The following ABCD4 variants were observed in gnomAD, a reference collection of about 807,000 sequenced individuals.
The protein encoded by ABCD4 is ATP binding cassette subfamily D member 4.
In ABCD4, 53 loss-of-function variants were observed where a neutral mutation model predicts 86.3. That is an observed-to-expected ratio of 0.61 (90% CI 0.49 to 0.77). The LOEUF (loss-of-function observed/expected upper bound fraction) is 0.77, where lower values mean the gene tolerates loss of function less well. ABCD4 is among the 30% of genes least tolerant of loss of function. The pLI is 0.00. For synonymous variants in ABCD4, 328 were observed against 313.6 expected (o/e 1.05, Z -0.49); for missense variants, 757 against 764.5 (o/e 0.99, Z 0.12).
intron 3 of ABCD4, 43 bp from the exon 4 acceptor site, chr14:74,298,112 T>G (rs774242871): frequency 6.2e-6 from 10 of 1,601,884 alleles, no homozygotes; most frequent in Non-Finnish European, 1.7e-6. Flanking sequence ...GATGGCTTCC[T>G]GAAAATCTCA....
chr14:74,293,318 A>C (rs777119057), intron 7 of ABCD4, 70 bp from the exon 8 acceptor site: 6 of 1,401,128 alleles, frequency 4.3e-6, no homozygotes, highest in Non-Finnish European at 6.0e-6. Context: ...CGCCTGTCCC[A>C]TATCACACCC....
chr14:74,293,013 C>A lies in ABCD4; in HGVS notation c.814+141G>T, dbSNP rs570732929. The A allele has an allele frequency of 3.4e-6, 5 of 1,463,110 alleles. No homozygotes were observed. The South Asian group carries it at 6.4e-5, about 19-fold the overall frequency. The allele number at this position is 1,463,110 out of a possible 1,614,324, so 90.6% of individuals were successfully genotyped here. A position where few individuals can be genotyped will look rare whatever the true frequency, so the allele number is the denominator to read the frequency against. On this transcript the variant is annotated intron_variant, in intron 8 of 18. Coordinates refer to ENST00000356924, the MANE Select transcript of ABCD4 (RefSeq NM_005050.4). The stretch of plus-strand genomic sequence containing the variant: ...TCTCCTGAGGATACTCACAGAAAGG[C>A]AACAGCCCCCCCTCCTCATCCCCGG...
rs2074946 is a variant in ABCD4, at chr14:74,295,343, T to G, written c.669-145A>C. On this transcript the variant is annotated intron_variant, in intron 6 of 18. Transcript: ENST00000356924. ...GCCTCAGTCTGACCCTTTCCTGGAC[T>G]GTTATGGGGTAGAAAACCCCAGGGC... The G allele has an allele frequency of 3.4e-3, 2,949 of 876,962 alleles. 112 individuals are homozygous for G. The East Asian group carries it at 0.072, about 22-fold the overall frequency. 54.3% of individuals were successfully genotyped at this position (876,962 alleles called of 1,614,324 possible). A position where few individuals can be genotyped will look rare whatever the true frequency, so the allele number is the denominator to read the frequency against.
At position 74,290,295 on chromosome 14, in the gene ABCD4, T is replaced by G. The variant is rs750579449; in HGVS notation, c.1323A>C (p.Thr441=). Residue 441 remains threonine (T), a synonymous_variant, in exon 12 of 19, where the codon ACA becomes ACC. Coordinates refer to ENST00000356924, the MANE Select transcript of ABCD4 (RefSeq NM_005050.4). ...CAGGGAGGGCCTGGCTCTCACCCCG[T>G]GTACTCGTCCAGAGGCCACCCAGAA... is the stretch of plus-strand genomic sequence containing the variant. ...LRVLGGLWTS[T]RGSVQMLTDF... 6.2e-7 allele frequency: 1 copy of G among 1,614,014 alleles called. No homozygotes were observed. Among genetic ancestry groups the G allele is most frequent in the Non-Finnish European group, 8.5e-7 (1 of 1,180,030 alleles).
Position 74,302,923 on chromosome 14 carries a change from C to G in ABCD4, c.-11G>C. The G allele has an allele frequency of 6.2e-7, 1 of 1,607,416 alleles. No homozygotes were observed. The highest frequency in any genetic ancestry group is 8.5e-7 in the Non-Finnish European group (1 of 1,177,264). The stretch of plus-strand genomic sequence containing the variant: ...CCCCGCGACCGCCATGACCTGAGAC[C>G]CGAGGGACTCTGGAGCCCAGCTGCC... On this transcript the variant is annotated 5_prime_UTR_variant, in exon 1 of 19. Coordinates refer to ENST00000356924, the MANE Select transcript of ABCD4 (RefSeq NM_005050.4).
chr14:74,288,861 C>T, intron 14 of ABCD4, 96 bp from the exon 15 acceptor site: 5 of 1,473,934 alleles, frequency 3.4e-6, no homozygotes, highest in South Asian at 1.2e-5. Context: ...CGCCTGTAAT[C>T]CCAACACTTT....
At chr14:74,299,349 T>G (rs1207065300) in intron 3 of ABCD4, 199 bp downstream of exon 3, 2 of 591,082 alleles carry the variant, frequency 3.4e-6, no homozygotes, top group Non-Finnish European at 5.8e-6. Flanking sequence ...AGTGGAAACA[T>G]CTGAGGAATC....
At chr14:74,290,940 T>C (rs2081334146) in intron 11 of ABCD4, among the ~76,000 whole-genome samples, 1 of 151,722 alleles carries the variant, frequency 6.6e-6, no homozygotes, top group Admixed American at 6.6e-5. Flanking sequence ...CCCAAAGTGG[T>C]GGGATTATAG....
intron 6 of ABCD4, 124 bp downstream of exon 6, chr14:74,295,730 C>G: frequency 7.5e-7 from 1 of 1,336,806 alleles, no homozygotes; most frequent in Non-Finnish European, 1.0e-6. Context: ...AGGTTAAAGA[C>G]CTCTCCAAGA....
At position 74,299,842 on chromosome 14, in the gene ABCD4, A is replaced by G. The variant is rs149997832; in HGVS notation, c.158-167T>C. On this transcript the variant is annotated intron_variant, in intron 2 of 18. Coordinates refer to ENST00000356924, the MANE Select transcript of ABCD4 (RefSeq NM_005050.4). ...TTTGGGAGGCTGAGGCGGGTGTATC[A>G]CCTGAGGTCATGAGTTCGAGATCAG... 1,624 of 630,566 alleles carry G rather than the reference A, an allele frequency of 2.6e-3. 14 individuals are homozygous for G. The African/African-American group carries it at 0.027, about 10-fold the overall frequency. The allele number at this position is 630,566 out of a possible 1,614,324, so 39.1% of individuals were successfully genotyped here. A position where few individuals can be genotyped will look rare whatever the true frequency, so the allele number is the denominator to read the frequency against.
In ABCD4 at chr14:74,286,975, A is replaced by G. The variant is rs112337128; in HGVS notation, c.1637-159T>C. ...CTCAGGGAGAAGGATGGGCCAGAGGAGCAGAGGGCCAGACTCTCCAAGGGA... is the reference window on the plus strand; with the variant it reads ...CTCAGGGAGAAGGATGGGCCAGAGGGGCAGAGGGCCAGACTCTCCAAGGGA... On this transcript the variant is annotated intron_variant, in intron 17 of 18. Coordinates refer to ENST00000356924, the MANE Select transcript of ABCD4 (RefSeq NM_005050.4). Among the ~76,000 whole-genome samples, 3 of 152,154 alleles carry G rather than the reference A, an allele frequency of 2.0e-5. No individual in the cohort carries two copies. The East Asian group carries it at 5.8e-4, about 29-fold the overall frequency.
rs2082716258 is a variant in ABCD4, at chr14:74,295,898, A to C, written c.624T>G (p.Ile208Met). 1 of 1,613,118 alleles carries C rather than the reference A, an allele frequency of 6.2e-7. No homozygotes were observed. Among genetic ancestry groups the C allele is most frequent in the East Asian group, 2.2e-5 (1 of 44,856 alleles). The change falls in exon 6 of 19, where the codon ATT becomes ATG. Residue 208 changes from isoleucine (I) to methionine (M), a missense_variant. Coordinates refer to ENST00000356924, the MANE Select transcript of ABCD4 (RefSeq NM_005050.4). ...TVVNKTLMGP[I>M]VMKLVHQEKL... ...TCTCCTGATGCACCAGCTTCATCAC[A>C]ATGGGGCCCATCAAAGTTTTGTTCA...
chr14:74,293,943 G>C (rs2082193279), intron 7 of ABCD4: 1 of 152,242 alleles, frequency 6.6e-6, no homozygotes, highest in Non-Finnish European at 1.5e-5. Flanking sequence ...GGTGGAGGGA[G>C]ATTTCAGATT....
At chr14:74,295,068 T>C in intron 7 of ABCD4, 80 bp downstream of exon 7, 1 of 1,540,420 alleles carries the variant, frequency 6.5e-7, no homozygotes. Flanking sequence ...TCGGTGGTGG[T>C]GGGAGGGTTG....
chr14:74,294,855 TAC>T, intron 7 of ABCD4: 1 of 461,142 alleles, frequency 2.2e-6, no homozygotes, highest in Non-Finnish European at 3.9e-6. Context: ...ACGGATGTCT[TAC>T]AGTCACCAGC....
rs150312237 is a variant in ABCD4 at position 74,300,888 on chromosome 14, C to T, written c.39-620G>A. 1.4e-3 allele frequency among the ~76,000 whole-genome samples: 210 copies of T among 151,980 alleles called. 1 individual carries two copies. Among genetic ancestry groups the T allele is most frequent in the African/African-American group, 4.8e-3 (199 of 41,468 alleles). On this transcript the variant is annotated intron_variant, in intron 1 of 18. Transcript: ENST00000356924. ...TATTTTTTTGAGACGGAGTTTTGCTCGTTGCCCAGGCTGGAATGCAACGGC... is the reference window on the plus strand; with the variant it reads ...TATTTTTTTGAGACGGAGTTTTGCTTGTTGCCCAGGCTGGAATGCAACGGC...
intron 4 of ABCD4, 111 bp from the exon 5 acceptor site, chr14:74,296,560 A>T: frequency 1.1e-6 from 1 of 931,050 alleles, no homozygotes; most frequent in South Asian, 1.5e-5. Context: ...CAGTGCTGTG[A>T]ACACTGACCC....
At chr14:74,302,512 G>A (rs929686819) in intron 1 of ABCD4, among the ~76,000 whole-genome samples, 2 of 152,212 alleles carry the variant, frequency 1.3e-5, no homozygotes, top group Admixed American at 6.5e-5. Context: ...GAGAGGAAGT[G>A]ATAAAATAAA....
intron 7 of ABCD4, chr14:74,293,983 G>T (rs902741496): frequency 2.0e-5 from 3 of 152,208 alleles, no homozygotes; most frequent in African/African-American, 7.2e-5. Flanking sequence ...GAACTCATCT[G>T]AAACTCTACA....
Sources: allele counts gnomAD v4.1 joint callset (sites outside exome capture counted in the v4.1 genomes callset), GRCh38; gene constraint gnomAD v4.1.1; transcripts MANE v1.5; gene names NCBI Gene and HGNC (gene_info 2026-07-23, HGNC 2026-07-21).